Variants in DLG2 observed in about 807,000 individuals in gnomAD.
DLG2 encodes the protein disks large homolog 2.
Under a neutral mutation model 132.5 loss-of-function variants are expected in DLG2, and 45 were observed. The ratio of observed to expected loss-of-function variants is 0.34; its 90% confidence interval spans 0.27 to 0.44. The LOEUF is 0.44. Among genes scored for constraint, DLG2 ranks in the 20% least tolerant of loss-of-function variants. The pLI, the probability that DLG2 is intolerant of heterozygous loss-of-function variation, is 1.00. For synonymous variants in DLG2, 424 were observed against 419.6 expected (o/e 1.01, Z -0.13); for missense variants, 1,045 against 1,196.9 (o/e 0.87, Z 1.87).
intron 21 of DLG2, among the ~76,000 whole-genome samples, chr11:83,525,717 T>C (rs1160423903): frequency 2.0e-5 from 3 of 152,192 alleles, no homozygotes; most frequent in South Asian, 2.1e-4. Context: ...AGATCACCTC[T>C]GGACATTTGA....
At position 84,555,060 on chromosome 11, in the gene DLG2, A is replaced by G. The variant is rs147891652; in HGVS notation, c.358-20329T>C. On this transcript the variant is annotated intron_variant, in intron 6 of 27. Coordinates refer to ENST00000376104, the MANE Select transcript of DLG2 (RefSeq NM_001142699.3). ...AGGAGAGGTAACCTGGAATAAGATT[A>G]CATACGGCCTTGTTAGCCTTGGGAA... 6.6e-5 allele frequency among the ~76,000 whole-genome samples: 10 copies of G among 152,244 alleles called. No individual in the cohort carries two copies. In the East Asian group the frequency reaches 1.7e-3, roughly 27 times the overall value.
At chr11:85,583,047 G>A (rs2078661623) in intron 3 of DLG2, among the ~76,000 whole-genome samples, 1 of 106,256 alleles carries the variant, frequency 9.4e-6, no homozygotes, top group African/African-American at 4.0e-5. Flanking sequence ...AGAAACCAGG[G>A]GAAAAAAAAA....
intron 11 of DLG2, among the ~76,000 whole-genome samples, chr11:84,057,795 C>T (rs2096528658): frequency 6.6e-6 from 1 of 152,148 alleles, no homozygotes; most frequent in South Asian, 2.1e-4. Flanking sequence ...AAGTACTATT[C>T]TTATTTGCAC....
chr11:84,400,989 A>G lies in DLG2; in HGVS notation c.519+133581T>C, dbSNP rs145866018. ...TCCTCCTCCCCCTTTCTGCCAACAT[A>G]GTTAACATTCATTGAGCACATAACA... On this transcript the variant is annotated intron_variant, in intron 7 of 27. Coordinates refer to ENST00000376104, the MANE Select transcript of DLG2 (RefSeq NM_001142699.3). 3.6e-3 allele frequency among the ~76,000 whole-genome samples: 553 copies of G among 152,090 alleles called. 2 individuals carry two copies. Among genetic ancestry groups the G allele is most frequent in the African/African-American group, 0.012 (514 of 41,470 alleles).
intron 6 of DLG2, among the ~76,000 whole-genome samples, chr11:85,059,533 T>C (rs1431646756): frequency 1.3e-5 from 2 of 151,540 alleles, no homozygotes; most frequent in African/African-American, 4.8e-5. Flanking sequence ...GAACAAATAG[T>C]GAGGTGTATT....
chr11:85,241,301 G>C (rs1299919627), intron 4 of DLG2, among the ~76,000 whole-genome samples: 3 of 151,570 alleles, frequency 2.0e-5, no homozygotes, highest in Non-Finnish European at 3.0e-5. Context: ...GGTATGGGAG[G>C]GATTAATAGT....
chr11:84,831,729 C>G (rs143381907), intron 6 of DLG2, among the ~76,000 whole-genome samples: 2 of 151,648 alleles, frequency 1.3e-5, no homozygotes, highest in Non-Finnish European at 3.0e-5. Context: ...ATAAGCCACG[C>G]CCCTTCAATA....
chr11:85,009,425 C>CAAATAAGCTGT (rs2058965827), intron 6 of DLG2, among the ~76,000 whole-genome samples: 1 of 151,902 alleles, frequency 6.6e-6, no homozygotes, highest in Non-Finnish European at 1.5e-5. Flanking sequence ...AGAAACAAGC[C>CAAATAAGCTGT]ATAAATAAGT....
intron 3 of DLG2, among the ~76,000 whole-genome samples, chr11:85,552,515 T>C (rs1042610718): frequency 6.6e-6 from 1 of 151,296 alleles, no homozygotes; most frequent in Non-Finnish European, 1.5e-5. Flanking sequence ...CAATCTGATA[T>C]TTTTAAATAA....
chr11:84,252,156 T>TTTTTTTTTTTTTTTTTTC (rs2097391134), intron 7 of DLG2, among the ~76,000 whole-genome samples: 1 of 133,834 alleles, frequency 7.5e-6, no homozygotes, highest in Non-Finnish European at 1.6e-5. Flanking sequence ...TTTTTTTTTT[T>TTTTTTTTTTTTTTTTTTC]TTTTTTTTTT....
intron 6 of DLG2, among the ~76,000 whole-genome samples, chr11:85,066,931 A>C (rs2065016880): frequency 6.6e-6 from 1 of 151,752 alleles, no homozygotes; most frequent in Non-Finnish European, 1.5e-5. Flanking sequence ...TCCTAGTTAG[A>C]GCCATCAGGC....
chr11:85,103,706 C>A lies in DLG2; in HGVS notation c.357+7955G>T, dbSNP rs567757528. On this transcript the variant is annotated intron_variant, in intron 6 of 27. Transcript: ENST00000376104. ...ATATAACATCAAAAATACAGGTGAC[C>A]AAAAAAAGATAAATTAGACTTTATC... Among the ~76,000 whole-genome samples, 7 of 151,438 alleles carry A rather than the reference C, an allele frequency of 4.6e-5. No homozygotes were observed. In the East Asian group the frequency reaches 1.4e-3, roughly 29 times the overall value.
intron 16 of DLG2, among the ~76,000 whole-genome samples, chr11:83,870,282 C>T (rs755356140): frequency 1.4e-4 from 21 of 152,264 alleles, no homozygotes; most frequent in African/African-American, 4.3e-4. Context: ...CCAACCTCCT[C>T]GAAGTATTTC....
intron 22 of DLG2, 68 bp downstream of exon 22, chr11:83,484,061 C>G (rs1170747192): frequency 3.1e-6 from 4 of 1,303,260 alleles, no homozygotes; most frequent in Non-Finnish European, 4.4e-6. Flanking sequence ...AGCCTACATC[C>G]TGCGTGTTGC....
intron 3 of DLG2, among the ~76,000 whole-genome samples, chr11:85,527,505 G>A (rs2074867394): frequency 6.6e-6 from 1 of 152,044 alleles, no homozygotes; most frequent in Non-Finnish European, 1.5e-5. Flanking sequence ...CTTCATTCAT[G>A]TCCCTGCAAA....
At chr11:85,396,084 A>C (rs186697160) in intron 3 of DLG2, among the ~76,000 whole-genome samples, 21 of 152,302 alleles carry the variant, frequency 1.4e-4, no homozygotes, top group African/African-American at 4.8e-4. Context: ...ATGAGGCAGC[A>C]ATATTTGCTG....
intron 6 of DLG2, among the ~76,000 whole-genome samples, chr11:85,027,213 C>CATTTAGCAAAG (rs1168814013): frequency 9.8e-6 from 1 of 102,260 alleles, no homozygotes; most frequent in Non-Finnish European, 1.8e-5. Context: ...GCTGAAAGTG[C>CATTTAGCAAAG]ATTTAGCAAA....
intron 6 of DLG2, among the ~76,000 whole-genome samples, chr11:84,767,540 T>C (rs1287456408): frequency 6.6e-6 from 1 of 152,102 alleles, no homozygotes; most frequent in Non-Finnish European, 1.5e-5. Context: ...TTAAAGGTCC[T>C]GAGCAGAGAT....
intron 6 of DLG2, among the ~76,000 whole-genome samples, chr11:84,597,279 C>A (rs929292189): frequency 6.6e-6 from 1 of 152,108 alleles, no homozygotes; most frequent in Non-Finnish European, 1.5e-5. Context: ...GCTTTAGAGT[C>A]TAACTGCGAA....
Sources: gnomAD v4.1 joint callset for allele counts (sites outside exome capture counted in the v4.1 genomes callset) on GRCh38, gnomAD v4.1.1 for gene constraint, MANE v1.5 for transcripts, NCBI Gene and HGNC (gene_info 2026-07-23, HGNC 2026-07-21) for gene names.